The following CCDC68 variants were observed in gnomAD, a reference collection of about 807,000 sequenced individuals.
CCDC68 encodes the protein coiled-coil domain containing 68.
CCDC68 carries 45 observed loss-of-function variants against 47.1 expected under a neutral mutation model. That is an observed-to-expected ratio of 0.96 (90% CI 0.75 to 1.23). CCDC68 has a LOEUF of 1.23. Among genes scored for constraint, CCDC68 ranks in the 50% most tolerant of loss-of-function variants. The pLI is 0.00. For synonymous variants in CCDC68, 131 were observed against 129.5 expected (o/e 1.01, Z -0.08); for missense variants, 353 against 373.6 (o/e 0.94, Z 0.45).
chr18:54,958,454 C>G (rs1285529515), intron 1 of CCDC68, among the ~76,000 whole-genome samples: 1 of 152,200 alleles, frequency 6.6e-6, no homozygotes, highest in Non-Finnish European at 1.5e-5. Context: ...TCCTCCCTAT[C>G]ACAAACACAG....
intron 1 of CCDC68, among the ~76,000 whole-genome samples, chr18:54,948,980 G>T (rs1392787438): frequency 6.6e-6 from 1 of 152,116 alleles, no homozygotes; most frequent in South Asian, 2.1e-4. Context: ...GGTGCCTAGA[G>T]CAGTGTTTTT....
chr18:54,933,711 C>T (rs1260363875), intron 7 of CCDC68, among the ~76,000 whole-genome samples: 2 of 152,142 alleles, frequency 1.3e-5, no homozygotes, highest in African/African-American at 4.8e-5. Context: ...GACTCTAACC[C>T]AGTGATTCTG....
At chr18:54,909,211 T>C (rs537566682) in intron 10 of CCDC68, among the ~76,000 whole-genome samples, 2 of 152,044 alleles carry the variant, frequency 1.3e-5, no homozygotes, top group Admixed American at 6.5e-5. Context: ...CAATGCTGAG[T>C]TGCCAGTGGG....
chr18:54,938,637 T>G (rs553317685), intron 4 of CCDC68, among the ~76,000 whole-genome samples: 1 of 152,378 alleles, frequency 6.6e-6, no homozygotes, highest in Admixed American at 6.5e-5. Flanking sequence ...AAATCTCATC[T>G]GGAATCGTGG....
chr18:54,915,869 C>T (rs1208216808), intron 10 of CCDC68, among the ~76,000 whole-genome samples: 1 of 152,046 alleles, frequency 6.6e-6, no homozygotes, highest in Non-Finnish European at 1.5e-5. Flanking sequence ...GCAGAGGTTG[C>T]AGTGAGCCGA....
intron 1 of CCDC68, among the ~76,000 whole-genome samples, chr18:54,947,506 A>T (rs185009577): frequency 3.3e-5 from 5 of 152,322 alleles, no homozygotes; most frequent in Admixed American, 2.0e-4. Flanking sequence ...CTGCCACTCC[A>T]TACCTGTGTG....
intron 7 of CCDC68, 53 bp from the exon 8 acceptor site, chr18:54,928,935 AG>A (rs1555675503): frequency 1.0e-6 from 1 of 957,068 alleles, no homozygotes; most frequent in Non-Finnish European, 1.7e-6. Context: ...ATGTTTGGTA[AG>A]GCCTTCCTCT....
chr18:54,932,188 G>GT (rs554711166), intron 7 of CCDC68, among the ~76,000 whole-genome samples: 54,649 of 141,778 alleles, frequency 0.39, 10,375 homozygotes, highest in East Asian at 0.58. Flanking sequence ...AACCAATTTG[G>GT]TTTTTTTTTT....
At chr18:54,922,377 G>A (rs1228702616) in intron 8 of CCDC68, among the ~76,000 whole-genome samples, 1 of 152,126 alleles carries the variant, frequency 6.6e-6, no homozygotes, top group African/African-American at 2.4e-5. Context: ...GAATCTTCAG[G>A]GGCAGGATGT....
In CCDC68 at chr18:54,904,119, C is replaced by A; in HGVS notation, c.*239G>T. ...TTTTTTAATTTAAAGCAGAATCTGTCTTCCATCATGAGAAGGCACCTGGTT... is the reference window on the plus strand; with the variant it reads ...TTTTTTAATTTAAAGCAGAATCTGTATTCCATCATGAGAAGGCACCTGGTT... On this transcript the variant is annotated 3_prime_UTR_variant, in exon 12 of 12. Transcript: ENST00000591504. 1 of 343,800 alleles carries A rather than the reference C, an allele frequency of 2.9e-6. No homozygotes were observed. Among genetic ancestry groups the A allele is most frequent in the Non-Finnish European group, 5.2e-6 (1 of 191,082 alleles). The allele number at this position is 343,800 out of a possible 1,614,324, so 21.3% of individuals were successfully genotyped here. A position where few individuals can be genotyped will look rare whatever the true frequency, so the allele number is the denominator to read the frequency against.
At chr18:54,957,955 A>T (rs1263515165) in intron 1 of CCDC68, 1 of 152,202 alleles carries the variant, frequency 6.6e-6, no homozygotes, top group East Asian at 1.9e-4. Context: ...GCTTTGGCCA[A>T]AATTTGGATT....
At chr18:54,955,637 C>A (rs1436865270) in intron 1 of CCDC68, among the ~76,000 whole-genome samples, 1 of 152,190 alleles carries the variant, frequency 6.6e-6, no homozygotes, top group Non-Finnish European at 1.5e-5. Context: ...CTGGGAACTG[C>A]TATTCCAGTT....
At chr18:54,923,554 C>T (rs1308028140) in intron 8 of CCDC68, among the ~76,000 whole-genome samples, 1 of 152,090 alleles carries the variant, frequency 6.6e-6, no homozygotes, top group African/African-American at 2.4e-5. Flanking sequence ...CACACTAAAA[C>T]AGTGACTAAA....
chr18:54,933,818 T>G (rs1425839111), intron 7 of CCDC68, among the ~76,000 whole-genome samples: 1 of 152,236 alleles, frequency 6.6e-6, no homozygotes, highest in African/African-American at 2.4e-5. Context: ...TTTTTGTGAT[T>G]TCCTCATAGG....
intron 3 of CCDC68, among the ~76,000 whole-genome samples, 188 bp from the exon 4 acceptor site, chr18:54,941,271 A>C (rs2044432676): frequency 6.6e-6 from 1 of 152,186 alleles, no homozygotes; most frequent in Non-Finnish European, 1.5e-5. Flanking sequence ...TAGATTGCTG[A>C]AGGTAAGCAT....
At chr18:54,958,857 C>G (rs951855787) in intron 1 of CCDC68, among the ~76,000 whole-genome samples, 7 of 152,292 alleles carry the variant, frequency 4.6e-5, no homozygotes, top group African/African-American at 1.4e-4. Flanking sequence ...TGCAGAAGCC[C>G]GCACAAATGA....
chr18:54,935,021 A>T, intron 6 of CCDC68, 73 bp from the exon 7 acceptor site: 1 of 1,244,080 alleles, frequency 8.0e-7, no homozygotes, highest in Non-Finnish European at 1.0e-6. Context: ...ACCTCTTTCT[A>T]TAATTTTCTA....
At chr18:54,951,053 C>A (rs895435371) in intron 1 of CCDC68, among the ~76,000 whole-genome samples, 1 of 149,384 alleles carries the variant, frequency 6.7e-6, no homozygotes, top group Non-Finnish European at 1.5e-5. Context: ...GGACTACAGG[C>A]GCCCGCTACC....
At chr18:54,928,119 A>G (rs535861251) in intron 8 of CCDC68, among the ~76,000 whole-genome samples, 1 of 152,320 alleles carries the variant, frequency 6.6e-6, no homozygotes, top group South Asian at 2.1e-4. Flanking sequence ...ACTGTGTTGG[A>G]CTTAGAATTT....
Sources: gnomAD v4.1 joint callset for allele counts (sites outside exome capture counted in the v4.1 genomes callset) on GRCh38, gnomAD v4.1.1 for gene constraint, MANE v1.5 for transcripts, NCBI Gene and HGNC (gene_info 2026-07-23, HGNC 2026-07-21) for gene names.